Variants in SEZ6 observed in about 807,000 individuals in gnomAD.
SEZ6 encodes the protein seizure protein 6 homolog.
A neutral mutation model predicts 101.0 loss-of-function variants in SEZ6; 53 were observed. That is an observed-to-expected ratio of 0.52 (90% CI 0.42 to 0.66). The LOEUF is 0.66. SEZ6 is among the 30% of genes least tolerant of loss of function. The probability of loss-of-function intolerance (pLI) is 0.00; values close to 1 mark genes in which losing one functional copy is unlikely to be tolerated. For synonymous variants in SEZ6, 488 were observed against 512.2 expected (o/e 0.95, Z 0.64); for missense variants, 1,102 against 1,289.4 (o/e 0.85, Z 2.23).
At position 28,959,436 on chromosome 17, in the gene SEZ6, A is replaced by G; in HGVS notation, c.1808T>C (p.Val603Ala). ...CSGEITDSAG[V>A]VLSPNWPEPY... Reference sequence around the variant, plus strand: ...CTCTGGCCAGTTGGGAGAGAGTACCACGCCAGCCGAGTCTGTGATCTCCCC... The same window carrying G: ...CTCTGGCCAGTTGGGAGAGAGTACCGCGCCAGCCGAGTCTGTGATCTCCCC... Residue 603 changes from valine (V) to alanine (A), a missense_variant, in exon 9 of 17, where the codon GTG (valine) becomes GCG (alanine). Physicochemically the swap from Val to Ala is moderately conservative, Grantham distance 64 (BLOSUM62 0). Transcript: ENST00000317338. The surrounding 1 kb of genome is among the most constrained non-coding windows in gnomAD (Gnocchi z 4.4). 3 of 1,613,570 alleles carry G rather than the reference A, an allele frequency of 1.9e-6. No homozygotes were observed. The highest frequency in any genetic ancestry group is 2.5e-6 in the Non-Finnish European group (3 of 1,179,848).
At chr17:28,956,312 A>G (rs2040877821) in intron 15 of SEZ6, 38 bp downstream of exon 15, 3 of 1,578,370 alleles carry the variant, frequency 1.9e-6, no homozygotes, top group East Asian at 4.6e-5. Flanking sequence ...GGAGTGAGGT[A>G]TGCAGGTATG....
intron 1 of SEZ6, among the ~76,000 whole-genome samples, chr17:28,998,734 G>A (rs2152693284): frequency 6.6e-6 from 1 of 152,268 alleles, no homozygotes; most frequent in East Asian, 1.9e-4. Context: ...ACCTGCCAGA[G>A]ATAGGAAGGG....
At chr17:28,984,421 G>A (rs941681007) in intron 1 of SEZ6, among the ~76,000 whole-genome samples, 1 of 152,168 alleles carries the variant, frequency 6.6e-6, no homozygotes. Context: ...CAAGAGATGT[G>A]GCCCTTGGCT....
intron 3 of SEZ6, among the ~76,000 whole-genome samples, chr17:28,974,441 C>T (rs756117336): frequency 3.9e-5 from 6 of 152,216 alleles, no homozygotes; most frequent in African/African-American, 1.2e-4. Context: ...CTCACACACC[C>T]GTGCTCCCTC....
In SEZ6 at chr17:28,989,777, A is replaced by G. The variant is rs1355955560; in HGVS notation, c.56-7738T>C. Reference sequence around the variant, plus strand: ...AAAACTAAGCCACCTTTTAAAAACTAATGAAAGAGGCCAGGTGCGGTGGCT... The same window carrying G: ...AAAACTAAGCCACCTTTTAAAAACTGATGAAAGAGGCCAGGTGCGGTGGCT... On this transcript the variant is annotated intron_variant, in intron 1 of 16. Transcript: ENST00000317338. Among the ~76,000 whole-genome samples, 2 of 152,124 alleles carry G rather than the reference A, an allele frequency of 1.3e-5. 1 individual carries two copies. Among genetic ancestry groups the G allele is most frequent in the Admixed American group, 1.3e-4 (2 of 15,254 alleles).
intron 1 of SEZ6, among the ~76,000 whole-genome samples, chr17:28,993,726 G>A (rs1319030321): frequency 6.6e-6 from 1 of 152,138 alleles, no homozygotes; most frequent in African/African-American, 2.4e-5. Flanking sequence ...GCCATGAGGT[G>A]CCAGGGCCGG....
chr17:29,005,764 T>G lies in SEZ6; in HGVS notation c.55+51A>C, dbSNP rs563318304. 6 of 1,464,032 alleles carry G rather than the reference T, an allele frequency of 4.1e-6. No individual in the cohort carries two copies. In the East Asian group the frequency reaches 1.5e-4, roughly 36 times the overall value. The allele number at this position is 1,464,032 out of a possible 1,614,324, so 90.7% of individuals were successfully genotyped here. A position where few individuals can be genotyped will look rare whatever the true frequency, so the allele number is the denominator to read the frequency against. Reference sequence around the variant, plus strand: ...GGCACCGGGTCTCCCTTCCCACCCCTGGGGCCCCGCTCCCGCCCCCGTCCT... The same window carrying G: ...GGCACCGGGTCTCCCTTCCCACCCCGGGGGCCCCGCTCCCGCCCCCGTCCT... On this transcript the variant is annotated intron_variant, in intron 1 of 16. Coordinates refer to ENST00000317338, the MANE Select transcript of SEZ6 (RefSeq NM_178860.5). This position sits in a 1 kb window ranked among gnomAD's most constrained non-coding sequence, Gnocchi z 4.8.
chr17:28,977,949 G>A (rs2041246793), intron 3 of SEZ6, among the ~76,000 whole-genome samples: 2 of 152,194 alleles, frequency 1.3e-5, no homozygotes, highest in Non-Finnish European at 2.9e-5. Flanking sequence ...AGAGTGAGGG[G>A]CACAGGGCTT....
At chr17:28,992,570 C>G (rs1219853742) in intron 1 of SEZ6, among the ~76,000 whole-genome samples, 4 of 152,328 alleles carry the variant, frequency 2.6e-5, no homozygotes, top group Non-Finnish European at 5.9e-5. Flanking sequence ...ATATATTTCT[C>G]TCCAAGCTGG....
In SEZ6 at chr17:29,005,438, A is replaced by T. The variant is rs1319852792; in HGVS notation, c.55+377T>A. On this transcript the variant is annotated intron_variant, in intron 1 of 16. Coordinates refer to ENST00000317338, the MANE Select transcript of SEZ6 (RefSeq NM_178860.5). This position sits in a 1 kb window ranked among gnomAD's most constrained non-coding sequence, Gnocchi z 4.8. The stretch of plus-strand genomic sequence containing the variant: ...ACGGGCCGCCAGCTGGACCGTCCCG[A>T]CTCACTGCCTTGCGCCCCCCGGCAC... 2.0e-5 allele frequency among the ~76,000 whole-genome samples: 3 copies of T among 151,808 alleles called. No homozygotes were observed. Among genetic ancestry groups the T allele is most frequent in the African/African-American group, 7.3e-5 (3 of 41,300 alleles).
intron 4 of SEZ6, among the ~76,000 whole-genome samples, chr17:28,966,801 A>G (rs2041076284): frequency 6.6e-6 from 1 of 152,226 alleles, no homozygotes; most frequent in South Asian, 2.1e-4. Context: ...AGGGCAGACC[A>G]GGGTCCAGAA....
At chr17:28,977,206 G>A (rs539848284) in intron 3 of SEZ6, among the ~76,000 whole-genome samples, 1 of 152,366 alleles carries the variant, frequency 6.6e-6, no homozygotes, top group Non-Finnish European at 1.5e-5. Context: ...GGTCCCAAGT[G>A]GCCTGGGTGG....
chr17:29,000,401 C>T lies in SEZ6; in HGVS notation c.55+5414G>A, dbSNP rs75826351. 1.5e-4 allele frequency among the ~76,000 whole-genome samples: 23 copies of T among 152,272 alleles called. No individual in the cohort carries two copies. The East Asian group carries it at 2.5e-3, about 17-fold the overall frequency. On this transcript the variant is annotated intron_variant, in intron 1 of 16. Coordinates refer to ENST00000317338, the MANE Select transcript of SEZ6 (RefSeq NM_178860.5). ...AATGGGAACAACTAATATCTTACTGCGAGTACTAAATAGAAAAGTCATGTG... is the reference window on the plus strand; with the variant it reads ...AATGGGAACAACTAATATCTTACTGTGAGTACTAAATAGAAAAGTCATGTG...
rs767514119 is a variant in SEZ6, at chr17:28,964,112, C to T, written c.1090G>A (p.Ala364Thr). The T allele has an allele frequency of 6.2e-7, 1 of 1,601,122 alleles. No homozygotes were observed. The highest frequency in any genetic ancestry group is 1.7e-5 in the Admixed American group (1 of 58,068). ...CTGGTGACAGTCACATCTCCATAAG[C>T]TGGACGACGGGGAAAGTGGCAGCTC... The part of the protein sequence containing the change: ...LLSCHFPRRP[A>T]YGDVTVTSLH... Residue 364 changes from alanine (A) to threonine (T), a missense_variant, in exon 5 of 17, where the codon GCT becomes ACT. Physicochemically the swap from Ala to Thr is moderately conservative, Grantham distance 58. This residue lies in a region of SEZ6 where 556 missense variants were observed against 735.1 expected (regional missense o/e 0.76). Coordinates refer to ENST00000317338, the MANE Select transcript of SEZ6 (RefSeq NM_178860.5).
chr17:28,992,679 G>C (rs1022427538), intron 1 of SEZ6, among the ~76,000 whole-genome samples: 3 of 152,208 alleles, frequency 2.0e-5, no homozygotes, highest in African/African-American at 7.2e-5. Flanking sequence ...CTGGGTGGGT[G>C]GGGGAGGGAG....
At position 28,955,686 on chromosome 17, in the gene SEZ6, T is replaced by C. The variant is rs1308883691; in HGVS notation, c.*276A>G. On this transcript the variant is annotated 3_prime_UTR_variant, in exon 17 of 17. Coordinates refer to ENST00000317338, the MANE Select transcript of SEZ6 (RefSeq NM_178860.5). The stretch of plus-strand genomic sequence containing the variant: ...ATGAGGAGGCTCAGGATGCTGGCTG[T>C]TGATGCTTGTGCTCCAGCTATGTTC... 1.5e-6 allele frequency: 1 copy of C among 645,494 alleles called. No homozygotes were observed. The highest frequency in any genetic ancestry group is 2.9e-6 in the Non-Finnish European group (1 of 348,494). The allele number at this position is 645,494 out of a possible 1,614,324, so 40.0% of individuals were successfully genotyped here.
intron 4 of SEZ6, among the ~76,000 whole-genome samples, chr17:28,967,213 G>C (rs912457912): frequency 3.3e-5 from 5 of 152,180 alleles, no homozygotes; most frequent in African/African-American, 1.2e-4. Flanking sequence ...ACATCTACAT[G>C]TACTTTCCAG....
chr17:28,975,649 A>T (rs978619234), intron 3 of SEZ6, among the ~76,000 whole-genome samples: 2 of 152,160 alleles, frequency 1.3e-5, no homozygotes, highest in African/African-American at 4.8e-5. Context: ...AGAGCCAGGA[A>T]ATATAAAGTT....
chr17:28,996,320 T>C (rs1314574511), intron 1 of SEZ6, among the ~76,000 whole-genome samples: 6 of 151,988 alleles, frequency 3.9e-5, no homozygotes, highest in Admixed American at 3.9e-4. Flanking sequence ...AGGAATGAGC[T>C]TCTCCTGCCC....
Sources: gnomAD v4.1 joint callset for allele counts (sites outside exome capture counted in the v4.1 genomes callset) on GRCh38, gnomAD v4.1.1 for gene constraint, gnomAD v4.1.1 regional missense constraint, Gnocchi (gnomAD v3.1) non-coding constraint, MANE v1.5 for transcripts, NCBI Gene and HGNC (gene_info 2026-07-23, HGNC 2026-07-21) for gene names.